The following APAF1 variants were observed in gnomAD, a reference collection of about 807,000 sequenced individuals.
APAF1 encodes apoptotic peptidase activating factor 1, also known as apoptotic protease-activating factor 1.
Under a neutral mutation model 152.4 loss-of-function variants are expected in APAF1, and 91 were observed. That is an observed-to-expected ratio of 0.60 (90% CI 0.50 to 0.71). APAF1 has a LOEUF of 0.71. Ranked by LOEUF, APAF1 falls within the 30% of genes least tolerant of loss-of-function variation. The pLI is 0.00. For missense variants in APAF1, 1,283 were observed against 1,472.0 expected, an observed-to-expected ratio of 0.87 and a Z score of 2.10; for synonymous variants, 484 against 494.1, an observed-to-expected ratio of 0.98 and a Z score of 0.27.
chr12:98,700,432 A>G (rs976314264), intron 17 of APAF1, among the ~76,000 whole-genome samples: 1 of 152,216 alleles, frequency 6.6e-6, no homozygotes, highest in African/African-American at 2.4e-5. Flanking sequence ...GGGATCATGT[A>G]TATGATTGTT....
At chr12:98,689,164 C>T (rs1178211124) in intron 16 of APAF1, among the ~76,000 whole-genome samples, 1 of 152,138 alleles carries the variant, frequency 6.6e-6, no homozygotes, top group South Asian at 2.1e-4. Context: ...CTGTAGGAAA[C>T]GCAGACTCAT....
chr12:98,665,349 C>T (rs145742976), intron 7 of APAF1, among the ~76,000 whole-genome samples: 3,761 of 140,408 alleles, frequency 0.027, 85 homozygotes, highest in South Asian at 0.044. Context: ...TAAAGATAAT[C>T]AGGAACTTAC....
In APAF1 at chr12:98,659,363, G is replaced by T. The variant is rs375666487; in HGVS notation, c.710+20G>T. ...CCCAAGGTACCGATGGTCAAATTTA[G>T]TTGGTGTGTCAGGTCCCATGTCCCA... On this transcript the variant is annotated intron_variant, in intron 5 of 26. Coordinates refer to ENST00000551964, the MANE Select transcript of APAF1 (RefSeq NM_181861.2). 6.2e-7 allele frequency: 1 copy of T among 1,613,600 alleles called. No individual in the cohort carries two copies. Among genetic ancestry groups the T allele is most frequent in the African/African-American group, 1.3e-5 (1 of 74,906 alleles).
chr12:98,681,472 T>TATC (rs1053217307), intron 14 of APAF1, among the ~76,000 whole-genome samples: 1 of 152,328 alleles, frequency 6.6e-6, no homozygotes. Flanking sequence ...TTGTGGGGGT[T>TATC]ATCACTGATA....
At chr12:98,662,881 A>T in intron 7 of APAF1, 75 bp downstream of exon 7, 1 of 1,451,568 alleles carries the variant, frequency 6.9e-7, no homozygotes, top group Non-Finnish European at 9.5e-7. Context: ...GAGCTAATGA[A>T]TATGGTAATT....
intron 16 of APAF1, among the ~76,000 whole-genome samples, chr12:98,687,912 A>C (rs2097699694): frequency 6.6e-6 from 1 of 152,038 alleles, no homozygotes; most frequent in Non-Finnish European, 1.5e-5. Flanking sequence ...CCTGGGTTCA[A>C]GCGATTCTCG....
chr12:98,719,818 AT>A (rs1215925828), intron 22 of APAF1, among the ~76,000 whole-genome samples: 1 of 152,138 alleles, frequency 6.6e-6, no homozygotes, highest in African/African-American at 2.4e-5. Context: ...GATAGAATGC[AT>A]ATGTTCAGTG....
chr12:98,657,921 A>G (rs890179124), intron 4 of APAF1, among the ~76,000 whole-genome samples: 1 of 152,206 alleles, frequency 6.6e-6, no homozygotes, highest in Non-Finnish European at 1.5e-5. Context: ...TAAATATCTG[A>G]TGTAAATAGA....
intron 13 of APAF1, among the ~76,000 whole-genome samples, chr12:98,679,180 G>C (rs546159610): frequency 2.0e-5 from 3 of 152,268 alleles, no homozygotes; most frequent in Admixed American, 6.5e-5. Context: ...TAAAAGCCTC[G>C]GGCTTAGCCA....
At position 98,683,231 on chromosome 12, in the gene APAF1, A is replaced by G. The variant is rs1345151023; in HGVS notation, c.2135A>G (p.His712Arg). ...VNCCHFTNSS[H>R]HLLLATGSSD... ...TGCTGCCATTTCACCAACAGTAGTC[A>G]TCATCTTCTCTTAGCCACTGGGTCA... Residue 712 changes from histidine to arginine, a missense_variant, in exon 15 of 27, where the codon CAT becomes CGT. Transcript: ENST00000551964. 1 of 1,614,002 alleles carries G rather than the reference A, an allele frequency of 6.2e-7. No individual in the cohort carries two copies. Among genetic ancestry groups the G allele is most frequent in the Admixed American group, 1.7e-5 (1 of 60,018 alleles).
rs193062215 is a variant in APAF1, at chr12:98,717,010, C to T, written c.3084+1458C>T. Among the ~76,000 whole-genome samples the T allele has an allele frequency of 1.1e-4, 17 of 151,854 alleles. No homozygotes were observed. In the East Asian group the frequency reaches 1.2e-3, roughly 10 times the overall value. ...CCTCCTGAGTAGCTGGGATTACAGCCGTATGCCACCATGCCAAGCTAATTT... is the reference window on the plus strand; with the variant it reads ...CCTCCTGAGTAGCTGGGATTACAGCTGTATGCCACCATGCCAAGCTAATTT... On this transcript the variant is annotated intron_variant, in intron 22 of 26. Coordinates refer to ENST00000551964, the MANE Select transcript of APAF1 (RefSeq NM_181861.2).
chr12:98,687,956 C>T (rs1160217207), intron 16 of APAF1, among the ~76,000 whole-genome samples: 2 of 152,172 alleles, frequency 1.3e-5, no homozygotes, highest in Middle Eastern at 6.8e-3. Flanking sequence ...GGAGTACAGG[C>T]GCCTGCCACC....
chr12:98,674,155 C>T (rs1246947885), intron 12 of APAF1, among the ~76,000 whole-genome samples: 1 of 152,016 alleles, frequency 6.6e-6, no homozygotes, highest in Non-Finnish European at 1.5e-5. Context: ...ATTACCATGC[C>T]TAATTTTTTA....
At chr12:98,676,034 G>A (rs1318947251) in intron 12 of APAF1, among the ~76,000 whole-genome samples, 3 of 152,124 alleles carry the variant, frequency 2.0e-5, no homozygotes, top group South Asian at 2.1e-4. Context: ...CACCTAATAA[G>A]TATTAGAAAT....
At chr12:98,727,410 C>A in intron 26 of APAF1, 94 bp downstream of exon 26, 3 of 1,436,916 alleles carry the variant, frequency 2.1e-6, no homozygotes, top group Non-Finnish European at 9.6e-7. Flanking sequence ...GGGCCTTTTA[C>A]AACCCAGCAG....
intron 10 of APAF1, among the ~76,000 whole-genome samples, chr12:98,669,363 T>C (rs1357762741): frequency 6.6e-6 from 1 of 152,186 alleles, no homozygotes; most frequent in Non-Finnish European, 1.5e-5. Context: ...TTAAAGGTAA[T>C]GGTTGATTTT....
chr12:98,662,299 T>C (rs11835097), intron 5 of APAF1, among the ~76,000 whole-genome samples, 157 bp from the exon 6 acceptor site: 3,893 of 152,046 alleles, frequency 0.026, 159 homozygotes, highest in African/African-American at 0.086. Context: ...GAGAAGAGTA[T>C]AGCAAAGAGG....
chr12:98,702,227 G>A (rs1221258824), intron 17 of APAF1, among the ~76,000 whole-genome samples: 2 of 151,978 alleles, frequency 1.3e-5, no homozygotes, highest in African/African-American at 4.8e-5. Flanking sequence ...CACCGCGCCC[G>A]GCTAATTTTT....
At chr12:98,653,199 A>C (rs912710758) in intron 4 of APAF1, among the ~76,000 whole-genome samples, 1 of 152,210 alleles carries the variant, frequency 6.6e-6, no homozygotes, top group Admixed American at 6.5e-5. Context: ...GTTCACTTCC[A>C]TTCTCAAATA....
Sources: gnomAD v4.1 joint callset for allele counts (sites outside exome capture counted in the v4.1 genomes callset) on GRCh38, gnomAD v4.1.1 for gene constraint, MANE v1.5 for transcripts, NCBI Gene and HGNC (gene_info 2026-07-23, HGNC 2026-07-21) for gene names.